The following DNM3 variants were observed in gnomAD, a reference collection of about 807,000 sequenced individuals.
DNM3 encodes dynamin-3.
Under a neutral mutation model 101.6 loss-of-function variants are expected in DNM3, and 47 were observed. That is an observed-to-expected ratio of 0.46 (90% CI 0.37 to 0.59). The LOEUF is 0.59. Among genes scored for constraint, DNM3 ranks in the 20% least tolerant of loss-of-function variants. The probability of loss-of-function intolerance (pLI) is 0.00; values close to 1 mark genes in which losing one functional copy is unlikely to be tolerated. For synonymous variants in DNM3, 385 were observed against 387.9 expected, an observed-to-expected ratio of 0.99 and a Z score of 0.09; for missense variants, 849 against 1,085.7, an observed-to-expected ratio of 0.78 and a Z score of 3.06.
intron 14 of DNM3, among the ~76,000 whole-genome samples, chr1:172,200,967 TGTGTTG>T (rs1003402101): frequency 2.6e-4 from 39 of 152,270 alleles, no homozygotes; most frequent in African/African-American, 8.9e-4. Context: ...ACAAAGTTCT[TGTGTTG>T]GTTCTTTCCC....
chr1:172,321,177 C>T (rs141856331), intron 16 of DNM3, among the ~76,000 whole-genome samples: 3 of 152,266 alleles, frequency 2.0e-5, no homozygotes, highest in South Asian at 2.1e-4. Flanking sequence ...GAATTTTTCT[C>T]TGTGTCAAAT....
chr1:171,998,920 G>A (rs970690770), intron 4 of DNM3, among the ~76,000 whole-genome samples: 1 of 152,078 alleles, frequency 6.6e-6, no homozygotes, highest in Non-Finnish European at 1.5e-5. Flanking sequence ...AGGATGTTGA[G>A]GCTGGAACTC....
At chr1:172,258,211 T>C (rs1329688818) in intron 15 of DNM3, among the ~76,000 whole-genome samples, 5 of 152,158 alleles carry the variant, frequency 3.3e-5, no homozygotes, top group Admixed American at 6.6e-5. Flanking sequence ...TGATTCCATA[T>C]CTTTGCTATT....
At chr1:171,978,507 G>C (rs887726838) in intron 2 of DNM3, among the ~76,000 whole-genome samples, 1 of 152,148 alleles carries the variant, frequency 6.6e-6, no homozygotes, top group African/African-American at 2.4e-5. Context: ...TGGAGGTAGT[G>C]ATAGAGATGG....
At chr1:171,952,523 C>G (rs1250692000) in intron 2 of DNM3, among the ~76,000 whole-genome samples, 1 of 152,118 alleles carries the variant, frequency 6.6e-6, no homozygotes, top group South Asian at 2.1e-4. Context: ...ACCTCCCTTT[C>G]CATCACGGCT....
intron 14 of DNM3, among the ~76,000 whole-genome samples, chr1:172,211,111 A>T (rs2060498193): frequency 6.6e-6 from 1 of 152,152 alleles, no homozygotes; most frequent in South Asian, 2.1e-4. Flanking sequence ...TGATTTCAGT[A>T]TCTCAGGTAG....
intron 14 of DNM3, among the ~76,000 whole-genome samples, chr1:172,249,807 A>G (rs1487512110): frequency 6.6e-6 from 1 of 152,204 alleles, no homozygotes; most frequent in Non-Finnish European, 1.5e-5. Flanking sequence ...TCCATAACAT[A>G]GAATATTATC....
At chr1:172,361,955 G>A (rs1407861588) in intron 17 of DNM3, among the ~76,000 whole-genome samples, 1 of 151,812 alleles carries the variant, frequency 6.6e-6, no homozygotes. Context: ...CCTCTTTGTT[G>A]ACTAGCCAAT....
intron 17 of DNM3, among the ~76,000 whole-genome samples, chr1:172,354,443 C>G (rs1412508678): frequency 5.3e-5 from 8 of 150,650 alleles, no homozygotes; most frequent in African/African-American, 2.0e-4. Flanking sequence ...AAGGCTGCAC[C>G]CTGTCCTCTC....
At chr1:172,047,826 A>G (rs1040520586) in intron 9 of DNM3, among the ~76,000 whole-genome samples, 10 of 151,976 alleles carry the variant, frequency 6.6e-5, no homozygotes, top group African/African-American at 2.4e-4. Context: ...GAGGGGAGAG[A>G]AGAGGGCCTA....
At chr1:172,083,286 A>G (rs1430035807) in intron 12 of DNM3, among the ~76,000 whole-genome samples, 1 of 151,558 alleles carries the variant, frequency 6.6e-6, no homozygotes, top group Non-Finnish European at 1.5e-5. Context: ...GTGGGGGGGG[A>G]ATGTAGAAAA....
chr1:171,870,129 C>G (rs751987455), intron 1 of DNM3, among the ~76,000 whole-genome samples: 8 of 152,094 alleles, frequency 5.3e-5, no homozygotes, highest in Non-Finnish European at 1.0e-4. Context: ...GCTTCAGGAC[C>G]TATTTAAATA....
intron 15 of DNM3, among the ~76,000 whole-genome samples, chr1:172,259,294 T>C (rs1038768149): frequency 8.5e-5 from 13 of 152,130 alleles, no homozygotes; most frequent in Non-Finnish European, 1.9e-4. Flanking sequence ...AAATCCAATG[T>C]TTCTTCGTTA....
At position 171,902,150 on chromosome 1, in the gene DNM3, C is replaced by T. The variant is rs1028303192; in HGVS notation, c.162-19598C>T. 2.0e-5 allele frequency among the ~76,000 whole-genome samples: 3 copies of T among 152,306 alleles called. No homozygotes were observed. The East Asian group carries it at 5.8e-4, about 29-fold the overall frequency. ...CTGGAAAACACATTAACTTTATTAG[C>T]TTTTAAGTAACAAATATTCCTCTTT... On this transcript the variant is annotated intron_variant, in intron 1 of 20. Transcript: ENST00000627582.
intron 4 of DNM3, among the ~76,000 whole-genome samples, chr1:171,990,149 G>C (rs1437045670): frequency 6.6e-6 from 1 of 152,114 alleles, no homozygotes; most frequent in African/African-American, 2.4e-5. Context: ...AAGGACTTTA[G>C]TGAGAGCTTT....
At chr1:172,051,972 GTCT>G (rs918989056) in intron 10 of DNM3, among the ~76,000 whole-genome samples, 7 of 152,088 alleles carry the variant, frequency 4.6e-5, no homozygotes, top group Non-Finnish European at 1.0e-4. Flanking sequence ...TATATTCATG[GTCT>G]TCTTCTTAGT....
At chr1:172,342,423 G>A (rs529505180) in intron 17 of DNM3, among the ~76,000 whole-genome samples, 2 of 152,024 alleles carry the variant, frequency 1.3e-5, no homozygotes, top group African/African-American at 2.4e-5. Context: ...AATACTCTGC[G>A]GCCATTAAAA....
intron 2 of DNM3, among the ~76,000 whole-genome samples, chr1:171,950,251 C>A (rs957495396): frequency 6.6e-6 from 1 of 152,148 alleles, no homozygotes; most frequent in African/African-American, 2.4e-5. Context: ...TGGTCTCCAA[C>A]TTACAGGGTT....
rs150506002 is a variant in DNM3, at chr1:172,386,947, T to G, written c.2059-186T>G. The G allele has an allele frequency of 1.4e-3, 801 of 554,598 alleles. 4 individuals are homozygous for G. Among genetic ancestry groups the G allele is most frequent in the African/African-American group, 0.013 (665 of 53,002 alleles). 34.4% of individuals were successfully genotyped at this position (554,598 alleles called of 1,614,324 possible). The stretch of plus-strand genomic sequence containing the variant: ...CCAAAAGACAGAGGGAAACTGTTAC[T>G]GTCACCAGTACTGGGGATAGAGACA... On this transcript the variant is annotated intron_variant, in intron 18 of 20. Coordinates refer to ENST00000627582, the MANE Select transcript of DNM3 (RefSeq NM_015569.5).
Sources: gnomAD v4.1 joint callset for allele counts (sites outside exome capture counted in the v4.1 genomes callset) on GRCh38, gnomAD v4.1.1 for gene constraint, MANE v1.5 for transcripts, NCBI Gene and HGNC (gene_info 2026-07-23, HGNC 2026-07-21) for gene names.